Variants in ZNF827 observed in about 807,000 individuals in gnomAD.
ZNF827 encodes zinc finger protein 827.
Under a neutral mutation model 102.4 loss-of-function variants are expected in ZNF827, and 13 were observed. That is an observed-to-expected ratio of 0.13 (90% CI 0.08 to 0.20). The LOEUF (loss-of-function observed/expected upper bound fraction) is 0.20. Ranked by LOEUF, ZNF827 falls within the 10% of genes least tolerant of loss-of-function variation. The pLI, the probability that ZNF827 is intolerant of heterozygous loss-of-function variation, is 1.00. For synonymous variants in ZNF827, 523 were observed against 536.2 expected (o/e 0.98, Z 0.34); for missense variants, 1,103 against 1,344.4 (o/e 0.82, Z 2.81).
intron 11 of ZNF827, among the ~76,000 whole-genome samples, chr4:145,767,336 A>G (rs951843863): frequency 7.9e-5 from 12 of 152,192 alleles, no homozygotes; most frequent in African/African-American, 2.9e-4. Context: ...AACTATCTGA[A>G]ATGAAACAGA....
At chr4:145,766,029 G>A (rs1241119666) in intron 11 of ZNF827, among the ~76,000 whole-genome samples, 3 of 152,126 alleles carry the variant, frequency 2.0e-5, no homozygotes, top group African/African-American at 4.8e-5. Flanking sequence ...ATGTTACCAC[G>A]TTCCAGGAAC....
chr4:145,801,548 A>G (rs1025704970), intron 8 of ZNF827, among the ~76,000 whole-genome samples: 27 of 152,310 alleles, frequency 1.8e-4, no homozygotes, highest in African/African-American at 6.3e-4. Flanking sequence ...CTAAAAAGAT[A>G]CATCAGGCCC....
chr4:145,847,393 C>T (rs972924351), intron 6 of ZNF827, among the ~76,000 whole-genome samples: 2 of 152,114 alleles, frequency 1.3e-5, no homozygotes, highest in Non-Finnish European at 2.9e-5. Flanking sequence ...GCAACTGTTC[C>T]GCCTCTGACT....
At position 145,765,515 on chromosome 4, in the gene ZNF827, G is replaced by A. The variant is rs368271131; in HGVS notation, c.3052+32C>T. On this transcript the variant is annotated intron_variant, in intron 12 of 14. Coordinates refer to ENST00000508784, the MANE Select transcript of ZNF827 (RefSeq NM_001306215.2). This position sits in a 1 kb window ranked among gnomAD's most constrained non-coding sequence, Gnocchi z 4.7. The stretch of plus-strand genomic sequence containing the variant: ...GAATGGGTCATCCTGGGTGCGGAGG[G>A]TTGAGCAGGCTCACACCCACCTCCT... The A allele has an allele frequency of 1.5e-5, 23 of 1,585,092 alleles. No homozygotes were observed. The highest frequency in any genetic ancestry group is 2.0e-5 in the Non-Finnish European group (23 of 1,166,292).
intron 4 of ZNF827, among the ~76,000 whole-genome samples, chr4:145,873,064 T>C (rs1199748243): frequency 1.3e-5 from 2 of 150,700 alleles, no homozygotes; most frequent in Non-Finnish European, 3.0e-5. Flanking sequence ...GCCTCCCAAG[T>C]AGCTAGGACT....
chr4:145,880,847 G>A (rs1749601414), intron 4 of ZNF827, among the ~76,000 whole-genome samples: 1 of 152,216 alleles, frequency 6.6e-6, no homozygotes, highest in Non-Finnish European at 1.5e-5. Flanking sequence ...GAGTGGGAGA[G>A]CCCCCTGGCT....
At chr4:145,780,973 G>C (rs1244814942) in intron 8 of ZNF827, among the ~76,000 whole-genome samples, 1 of 152,112 alleles carries the variant, frequency 6.6e-6, no homozygotes, top group African/African-American at 2.4e-5. Flanking sequence ...GAGGCAGGGG[G>C]ATCACAAGGT....
chr4:145,812,024 C>T (rs896337049), intron 8 of ZNF827, among the ~76,000 whole-genome samples: 7 of 151,992 alleles, frequency 4.6e-5, no homozygotes, highest in Admixed American at 2.0e-4. Flanking sequence ...AAGCGATTCT[C>T]CTGCCTCAGC....
intron 5 of ZNF827, among the ~76,000 whole-genome samples, chr4:145,860,410 T>C (rs1047339032): frequency 6.6e-6 from 1 of 152,126 alleles, no homozygotes; most frequent in African/African-American, 2.4e-5. Flanking sequence ...TGTGTACATA[T>C]GTTTAGGGCA....
chr4:145,805,929 A>T (rs1392558706), intron 8 of ZNF827, among the ~76,000 whole-genome samples: 3 of 151,206 alleles, frequency 2.0e-5, no homozygotes, highest in African/African-American at 7.3e-5. Context: ...TCTTTTCCTG[A>T]CCATTCTACC....
chr4:145,873,281 G>A (rs1444191872), intron 4 of ZNF827, among the ~76,000 whole-genome samples: 1 of 152,188 alleles, frequency 6.6e-6, no homozygotes. Flanking sequence ...ACCCTGAATA[G>A]TGCCTGGTAC....
At chr4:145,907,764 C>G (rs965934889) in intron 1 of ZNF827, among the ~76,000 whole-genome samples, 2 of 151,956 alleles carry the variant, frequency 1.3e-5, no homozygotes, top group Non-Finnish European at 2.9e-5. Flanking sequence ...CAACCTCTGT[C>G]TCTGACTGTC....
In ZNF827 at chr4:145,774,638, C is replaced by A. The variant is rs1560903799; in HGVS notation, c.2728G>T (p.Val910Phe). The A allele has an allele frequency of 6.2e-7, 1 of 1,613,734 alleles. No individual in the cohort carries two copies. Among genetic ancestry groups the A allele is most frequent in the Non-Finnish European group, 8.5e-7 (1 of 1,179,984 alleles). Residue 910 changes from valine to phenylalanine, a missense_variant, in exon 11 of 15, where the codon GTC becomes TTC. Around this residue, in one of 5 missense-constraint regions of ZNF827, gnomAD observed 242 missense variants for 361.9 expected, o/e 0.67. Coordinates refer to ENST00000508784, the MANE Select transcript of ZNF827 (RefSeq NM_001306215.2). ...HVCGFETELNVQFVSHMSLHV... is the reference protein window; with the variant it reads ...HVCGFETELNFQFVSHMSLHV... The stretch of plus-strand genomic sequence containing the variant: ...AGTGACATGTGGCTGACAAACTGGA[C>A]ATTGAGCTCGGTCTCAAATCCACAC...
chr4:145,840,407 C>A (rs1371621610), intron 7 of ZNF827, among the ~76,000 whole-genome samples: 1 of 152,168 alleles, frequency 6.6e-6, no homozygotes, highest in Non-Finnish European at 1.5e-5. Flanking sequence ...TTAAAATGTA[C>A]AATGGCACCA....
chr4:145,931,679 G>A (rs1753817712), intron 1 of ZNF827, among the ~76,000 whole-genome samples: 1 of 152,196 alleles, frequency 6.6e-6, no homozygotes, highest in African/African-American at 2.4e-5. Flanking sequence ...TACTCTGTTT[G>A]TTTTTCCTTG....
At chr4:145,850,480 C>A (rs1255284343) in intron 5 of ZNF827, among the ~76,000 whole-genome samples, 2 of 152,166 alleles carry the variant, frequency 1.3e-5, no homozygotes, top group African/African-American at 4.8e-5. Context: ...CCCAGAAAAA[C>A]AGCAATCTTA....
At chr4:145,806,458 G>C (rs568487104) in intron 8 of ZNF827, among the ~76,000 whole-genome samples, 1 of 152,084 alleles carries the variant, frequency 6.6e-6, no homozygotes, top group South Asian at 2.1e-4. Flanking sequence ...GCTGGGCCAT[G>C]AATGAATGAA....
chr4:145,817,618 A>G (rs1469684133), intron 8 of ZNF827, among the ~76,000 whole-genome samples: 2 of 152,226 alleles, frequency 1.3e-5, no homozygotes, highest in Non-Finnish European at 2.9e-5. Context: ...ACAGCATGGG[A>G]GAAACCATCA....
At chr4:145,786,023 G>A (rs1400817950) in intron 8 of ZNF827, among the ~76,000 whole-genome samples, 1 of 152,182 alleles carries the variant, frequency 6.6e-6, no homozygotes, top group Non-Finnish European at 1.5e-5. Context: ...AACTAGGGAA[G>A]TCCTAACAGC....
Sources: gnomAD v4.1 joint callset for allele counts (sites outside exome capture counted in the v4.1 genomes callset) on GRCh38, gnomAD v4.1.1 for gene constraint, gnomAD v4.1.1 regional missense constraint, Gnocchi (gnomAD v3.1) non-coding constraint, MANE v1.5 for transcripts, NCBI Gene and HGNC (gene_info 2026-07-23, HGNC 2026-07-21) for gene names.